Variants in ADGRD1 observed in about 807,000 individuals in gnomAD.
ADGRD1 encodes G-protein coupled receptor 133.
Under a neutral mutation model 113.4 loss-of-function variants are expected in ADGRD1, and 77 were observed. The observed-to-expected ratio is 0.68, with a 90% CI of 0.57 to 0.82. The LOEUF is 0.82. Among genes scored for constraint, ADGRD1 ranks in the 40% least tolerant of loss-of-function variants. The pLI is 0.00. For missense variants in ADGRD1, 1,036 were observed against 1,139.1 expected (o/e 0.91, Z 1.30); for synonymous variants, 474 against 475.0 (o/e 1.00, Z 0.03).
chr12:130,997,327 C>T lies in ADGRD1; in HGVS notation c.967-3056C>T, dbSNP rs555722260. Among the ~76,000 whole-genome samples the T allele has an allele frequency of 1.6e-4, 24 of 148,976 alleles. 1 individual carries two copies. The Middle Eastern group carries it at 0.022, about 139-fold the overall frequency. The stretch of plus-strand genomic sequence containing the variant: ...GGCTGACCCCCACCTCCCTCCCGGA[C>T]GGGGTGGCTGCCGGGCGGAGACGCT... On this transcript the variant is annotated intron_variant, in intron 8 of 24. Transcript: ENST00000261654.
At chr12:131,040,582 C>T (rs1414184436) in intron 13 of ADGRD1, among the ~76,000 whole-genome samples, 1 of 152,246 alleles carries the variant, frequency 6.6e-6, no homozygotes, top group Non-Finnish European at 1.5e-5. Flanking sequence ...TGAGCCAGGG[C>T]AGGGAACTAA....
At chr12:131,002,979 G>A (rs951821165) in intron 9 of ADGRD1, 7 of 717,994 alleles carry the variant, frequency 9.7e-6, no homozygotes, top group Admixed American at 2.3e-5. Flanking sequence ...GGGTCCACCT[G>A]GGCTGTGTCC....
At chr12:131,039,262 C>T (rs1045920219) in intron 13 of ADGRD1, among the ~76,000 whole-genome samples, 3 of 152,006 alleles carry the variant, frequency 2.0e-5, no homozygotes, top group African/African-American at 4.8e-5. Context: ...CGGGACGGTG[C>T]GGAGAGCCCT....
intron 14 of ADGRD1, among the ~76,000 whole-genome samples, chr12:131,081,136 C>T (rs1886040539): frequency 6.6e-6 from 1 of 152,028 alleles, no homozygotes; most frequent in African/African-American, 2.4e-5. Flanking sequence ...TGTATCTTTT[C>T]CCATAATTTA....
intron 13 of ADGRD1, among the ~76,000 whole-genome samples, chr12:131,024,989 G>A (rs183588607): frequency 1.7e-3 from 263 of 152,324 alleles, no homozygotes; most frequent in Non-Finnish European, 2.9e-3. Context: ...CTCACCTCCC[G>A]GCTCCAGTGA....
rs1884681339 is a variant in ADGRD1, at chr12:131,065,841, C to T, written c.1474-10960C>T. Reference sequence around the variant, plus strand: ...TGTTGTGACTTGCTTACCACAGACTCTGAATTTCTGCTCCTGGCTGGAAGC... The same window carrying T: ...TGTTGTGACTTGCTTACCACAGACTTTGAATTTCTGCTCCTGGCTGGAAGC... On this transcript the variant is annotated intron_variant, in intron 13 of 24. Transcript: ENST00000261654. Among the ~76,000 whole-genome samples, 4 of 152,346 alleles carry T rather than the reference C, an allele frequency of 2.6e-5. 1 individual carries two copies. The highest frequency in any genetic ancestry group is 2.6e-4 in the Admixed American group (4 of 15,312).
At chr12:131,078,073 C>A (rs1885780871) in intron 14 of ADGRD1, among the ~76,000 whole-genome samples, 1 of 152,220 alleles carries the variant, frequency 6.6e-6, no homozygotes, top group South Asian at 2.1e-4. Flanking sequence ...ACTCACTTCC[C>A]CAGCTCCCTC....
chr12:130,996,170 TC>T (rs538491980), intron 8 of ADGRD1, among the ~76,000 whole-genome samples: 2,838 of 149,224 alleles, frequency 0.019, 43 homozygotes, highest in African/African-American at 0.039. Context: ...GTCTCCCATG[TC>T]TACTTCTTTC....
In ADGRD1 at chr12:130,984,502, A is replaced by G. The variant is rs1873385969; in HGVS notation, c.490+2439A>G. Among the ~76,000 whole-genome samples the G allele has an allele frequency of 6.6e-6, 1 of 152,198 alleles. No homozygotes were observed. On this transcript the variant is annotated intron_variant, in intron 5 of 24. Coordinates refer to ENST00000261654, the MANE Select transcript of ADGRD1 (RefSeq NM_198827.5). The surrounding 1 kb of genome is among the most constrained non-coding windows in gnomAD (Gnocchi z 4.1). Reference sequence around the variant, plus strand: ...TTTTTTAGAACAGTTTTAGATTCACAGAAAAATTGAGTGCAAAGTTCAGAG... The same window carrying G: ...TTTTTTAGAACAGTTTTAGATTCACGGAAAAATTGAGTGCAAAGTTCAGAG...
intron 13 of ADGRD1, among the ~76,000 whole-genome samples, chr12:131,020,981 C>CAA (rs1879247934): frequency 6.6e-6 from 1 of 152,200 alleles, no homozygotes; most frequent in African/African-American, 2.4e-5. Flanking sequence ...AATTTGTTTC[C>CAA]AGTGTTGTCA....
chr12:131,119,573 C>G (rs984380459), intron 19 of ADGRD1, among the ~76,000 whole-genome samples: 1 of 152,212 alleles, frequency 6.6e-6, no homozygotes, highest in Admixed American at 6.5e-5. Flanking sequence ...GAAAGCCAGG[C>G]AGCACCAGCC....
chr12:131,011,480 A>G (rs1454482800), intron 12 of ADGRD1, among the ~76,000 whole-genome samples: 3 of 152,126 alleles, frequency 2.0e-5, no homozygotes, highest in East Asian at 1.9e-4. Context: ...CCACTCGCTC[A>G]CTCACTCACG....
chr12:131,072,375 G>A (rs1243485729), intron 13 of ADGRD1, among the ~76,000 whole-genome samples: 5 of 152,174 alleles, frequency 3.3e-5, no homozygotes, highest in Non-Finnish European at 5.9e-5. Context: ...ATGTTTCCTG[G>A]GGTCTTCTGA....
In ADGRD1 at chr12:131,078,210, G is replaced by T. The variant is rs905839400; in HGVS notation, c.1547+1336G>T. Among the ~76,000 whole-genome samples, 26 of 152,370 alleles carry T rather than the reference G, an allele frequency of 1.7e-4. 1 individual carries two copies. Among genetic ancestry groups the T allele is most frequent in the African/African-American group, 6.0e-4 (25 of 41,584 alleles). On this transcript the variant is annotated intron_variant, in intron 14 of 24. Transcript: ENST00000261654. Reference sequence around the variant, plus strand: ...GAGATTGCAAGACGCTGAGCTGGGGGTGCAGCAGCAGGTCGGCATAATCTC... The same window carrying T: ...GAGATTGCAAGACGCTGAGCTGGGGTTGCAGCAGCAGGTCGGCATAATCTC...
At chr12:131,032,367 G>A (rs983967324) in intron 13 of ADGRD1, among the ~76,000 whole-genome samples, 1 of 152,216 alleles carries the variant, frequency 6.6e-6, no homozygotes, top group Admixed American at 6.5e-5. Flanking sequence ...GGGTTCTGAC[G>A]CCTGCTTTGA....
At chr12:131,083,948 T>TGGTG (rs1886260950) in intron 14 of ADGRD1, among the ~76,000 whole-genome samples, 1 of 152,206 alleles carries the variant, frequency 6.6e-6, no homozygotes, top group Non-Finnish European at 1.5e-5. Context: ...GGGAAGTGTG[T>TGGTG]GGTGCTGTTG....
At position 131,022,190 on chromosome 12, in the gene ADGRD1, G is replaced by T. The variant is rs1037042800; in HGVS notation, c.1473+7850G>T. On this transcript the variant is annotated intron_variant, in intron 13 of 24. Transcript: ENST00000261654. This position sits in a 1 kb window ranked among gnomAD's most constrained non-coding sequence, Gnocchi z 4.6. ...TTCGGCTCCAGCATAGCAAATATGGGATGTGAATGCTCATTGTTGCCGGTA... is the reference window on the plus strand; with the variant it reads ...TTCGGCTCCAGCATAGCAAATATGGTATGTGAATGCTCATTGTTGCCGGTA... Among the ~76,000 whole-genome samples the T allele has an allele frequency of 1.3e-4, 20 of 152,154 alleles. No individual in the cohort carries two copies. Among genetic ancestry groups the T allele is most frequent in the African/African-American group, 4.3e-4 (18 of 41,424 alleles).
Position 130,954,527 on chromosome 12 carries a change from T to G in ADGRD1, c.62T>G (p.Phe21Cys). 1 of 1,609,226 alleles carries G rather than the reference T, an allele frequency of 6.2e-7. No individual in the cohort carries two copies. Among genetic ancestry groups the G allele is most frequent in the Non-Finnish European group, 8.5e-7 (1 of 1,177,244 alleles). Residue 21 changes from phenylalanine to cysteine, a missense_variant, in exon 1 of 25, where the codon TTT becomes TGT. Transcript: ENST00000261654. This position sits in a 1 kb window ranked among gnomAD's most constrained non-coding sequence, Gnocchi z 4.7. ...TGGCTGCTGCTATTTTATTACAACT[T>G]TCAGGTAATGTCCCCAAGTGGCCAG... ...YSWLLLFYYN[F>C]QVRGVYSRSQ...
chr12:131,005,069 G>A (rs1876908825), intron 11 of ADGRD1, among the ~76,000 whole-genome samples: 1 of 152,224 alleles, frequency 6.6e-6, no homozygotes, highest in Non-Finnish European at 1.5e-5. Context: ...GACCAGGACA[G>A]CCCTCATCAG....
Sources: allele counts gnomAD v4.1 joint callset (sites outside exome capture counted in the v4.1 genomes callset), GRCh38; gene constraint gnomAD v4.1.1; non-coding constraint Gnocchi (gnomAD v3.1); transcripts MANE v1.5; gene names NCBI Gene and HGNC (gene_info 2026-07-23, HGNC 2026-07-21).